PFKM: variants seen among roughly 807,000 people sequenced by gnomAD.
PFKM encodes the protein phosphofructokinase, muscle, also known as ATP-dependent 6-phosphofructokinase, muscle type.
Under a neutral mutation model 95.5 loss-of-function variants are expected in PFKM, and 58 were observed. The observed-to-expected ratio is 0.61, with a 90% CI of 0.49 to 0.76. The LOEUF (loss-of-function observed/expected upper bound fraction) is 0.76. Ranked by LOEUF, PFKM falls within the 30% of genes least tolerant of loss-of-function variation. PFKM has a pLI of 0.00. For missense variants in PFKM, 678 were observed against 1,005.4 expected (o/e 0.67, Z 4.40); for synonymous variants, 336 against 357.2 (o/e 0.94, Z 0.67).
At chr12:48,141,872 C>T in intron 16 of PFKM, 42 bp from the exon 17 acceptor site, 1 of 1,613,722 alleles carries the variant, frequency 6.2e-7, no homozygotes, top group Non-Finnish European at 8.5e-7. Context: ...CCTACCTCCT[C>T]TCCCTCTCCC....
chr12:48,132,145 A>G (rs1949565817), intron 4 of PFKM: 1 of 452,324 alleles, frequency 2.2e-6, no homozygotes, highest in African/African-American at 2.0e-5. Context: ...CTCCACCAGT[A>G]TCCCAAAGTC....
At chr12:48,119,164 A>C (rs369907784), upstream of PFKM, 1 of 407,512 alleles carries the variant, frequency 2.5e-6, no homozygotes, top group South Asian at 9.8e-5. Flanking sequence ...GAGTGAAGGA[A>C]CTAAGCCGCT....
At chr12:48,124,808 A>C (rs1859445) in intron 2 of PFKM, among the ~76,000 whole-genome samples, 37,207 of 152,100 alleles carry the variant, frequency 0.24, 4,915 homozygotes, top group Non-Finnish European at 0.31. Flanking sequence ...GGAGGCAAGG[A>C]GGCAAAACAG....
chr12:48,129,147 G>A (rs1025862591), intron 2 of PFKM, among the ~76,000 whole-genome samples: 9 of 150,684 alleles, frequency 6.0e-5, no homozygotes, highest in Non-Finnish European at 1.2e-4. Flanking sequence ...TGTGAAAAAG[G>A]GAAAAGGATT....
In PFKM at chr12:48,121,544, A is replaced by G. The variant is rs553659288; in HGVS notation, c.-8-1223A>G. Among the ~76,000 whole-genome samples the G allele has an allele frequency of 1.6e-4, 25 of 152,302 alleles. No individual in the cohort carries two copies. In the East Asian group the frequency reaches 2.7e-3, roughly 16 times the overall value. ...GGGTGTTTATGTGACTTATGTCTCT[A>G]TAGGCAGCTACCCTGAGTTCTCCAA... is the stretch of plus-strand genomic sequence containing the variant. On this transcript the variant is annotated intron_variant, in intron 1 of 22. Coordinates refer to ENST00000359794, the MANE Select transcript of PFKM (RefSeq NM_000289.6).
At chr12:48,128,852 A>G (rs1186518328) in intron 2 of PFKM, among the ~76,000 whole-genome samples, 1 of 152,196 alleles carries the variant, frequency 6.6e-6, no homozygotes. Flanking sequence ...TGTCTAAGAG[A>G]GACTGGCTAA....
intron 10 of PFKM, chr12:48,137,341 G>T: frequency 3.6e-6 from 1 of 277,932 alleles, no homozygotes; most frequent in Non-Finnish European, 7.0e-6. Context: ...GGAATTACAG[G>T]CATGTAATTC....
At chr12:48,131,192 C>A in intron 3 of PFKM, 124 bp from the exon 4 acceptor site, 1 of 750,160 alleles carries the variant, frequency 1.3e-6, no homozygotes. Flanking sequence ...TCACGAGCAT[C>A]CAGGACTCAC....
intron 6 of PFKM, among the ~76,000 whole-genome samples, chr12:48,133,911 C>T (rs895796292): frequency 6.6e-6 from 1 of 152,132 alleles, no homozygotes; most frequent in East Asian, 1.9e-4. Context: ...CAGTTTACCC[C>T]AGGGTAATCC....
At position 48,141,401 on chromosome 12, in the gene PFKM, C is replaced by T. The variant is rs780992310; in HGVS notation, c.1412+20C>T. The T allele has an allele frequency of 6.2e-7, 1 of 1,602,926 alleles. No homozygotes were observed. The highest frequency in any genetic ancestry group is 1.7e-5 in the Admixed American group (1 of 60,010). The stretch of plus-strand genomic sequence containing the variant: ...TAAAAGGTAAGTAGCACTGCAGAGG[C>T]ACCTCCTCCCAGTCACCTCTTAAAG... On this transcript the variant is annotated intron_variant, in intron 15 of 22. Coordinates refer to ENST00000359794, the MANE Select transcript of PFKM (RefSeq NM_000289.6).
chr12:48,121,082 C>T (rs60001451), intron 1 of PFKM, among the ~76,000 whole-genome samples: 3,804 of 152,238 alleles, frequency 0.025, 159 homozygotes, highest in African/African-American at 0.084. Context: ...ACCTGGGAGG[C>T]AGTGATCCAG....
intron 2 of PFKM, among the ~76,000 whole-genome samples, chr12:48,128,435 T>C (rs1949080607): frequency 1.3e-5 from 2 of 152,290 alleles, no homozygotes; most frequent in South Asian, 4.1e-4. Flanking sequence ...ATAGACCATA[T>C]TGTAATTCTC....
chr12:48,135,427 A>G (rs779941496), intron 10 of PFKM, 44 bp downstream of exon 10: 1 of 1,390,240 alleles, frequency 7.2e-7, no homozygotes, highest in South Asian at 1.2e-5. Context: ...GAAACCCTCA[A>G]CCTTGTAGTC....
chr12:48,125,844 A>G (rs1948786590), intron 2 of PFKM, among the ~76,000 whole-genome samples: 1 of 152,182 alleles, frequency 6.6e-6, no homozygotes, highest in Non-Finnish European at 1.5e-5. Context: ...TTTACTTATG[A>G]TATCCATTAG....
At chr12:48,106,382 C>T in intron 1 of PFKM, 1 of 473,370 alleles carries the variant, frequency 2.1e-6, no homozygotes, top group Non-Finnish European at 3.7e-6. Context: ...TCTGGTTCCG[C>T]CCGGCGAGTT....
At chr12:48,140,967 T>C (rs1383989217) in intron 14 of PFKM, 96 bp downstream of exon 14, 1 of 1,284,502 alleles carries the variant, frequency 7.8e-7, no homozygotes, top group Non-Finnish European at 1.1e-6. Flanking sequence ...TGTTCCTCAC[T>C]ACCTCTCTCT....
chr12:48,129,575 A>G (rs1949246380), intron 2 of PFKM, among the ~76,000 whole-genome samples: 1 of 152,198 alleles, frequency 6.6e-6, no homozygotes, highest in East Asian at 1.9e-4. Context: ...TGGCAGTGTG[A>G]TAACTAGTAA....
intron 15 of PFKM, 89 bp downstream of exon 15, chr12:48,141,470 C>A: frequency 8.6e-7 from 1 of 1,157,798 alleles, no homozygotes; most frequent in Non-Finnish European, 1.3e-6. Flanking sequence ...CTGCTTCAAC[C>A]ACCCTGTTGT....
intron 3 of PFKM, among the ~76,000 whole-genome samples, chr12:48,111,449 T>C (rs918741535): frequency 3.3e-5 from 5 of 152,208 alleles, no homozygotes; most frequent in African/African-American, 1.2e-4. Context: ...TGTAACAGCA[T>C]GGTGGTGCAG....
Sources: allele counts gnomAD v4.1 joint callset (sites outside exome capture counted in the v4.1 genomes callset), GRCh38; gene constraint gnomAD v4.1.1; transcripts MANE v1.5; gene names NCBI Gene and HGNC (gene_info 2026-07-23, HGNC 2026-07-21).